Variants in MYO16 observed in about 807,000 individuals in gnomAD.
MYO16 encodes myosin XVI.
Under a neutral mutation model 205.3 loss-of-function variants are expected in MYO16, and 94 were observed. The ratio of observed to expected loss-of-function variants is 0.46; its 90% CI spans 0.39 to 0.54. MYO16 has a LOEUF of 0.54. Among genes scored for constraint, MYO16 ranks in the 20% least tolerant of loss-of-function variants. MYO16 has a pLI of 0.00. For synonymous variants in MYO16, 988 were observed against 954.0 expected (o/e 1.04, Z -0.66); for missense variants, 2,315 against 2,387.5 (o/e 0.97, Z 0.63).
At chr13:108,785,428 G>A (rs1232556003) in intron 4 of MYO16, among the ~76,000 whole-genome samples, 1 of 152,152 alleles carries the variant, frequency 6.6e-6, no homozygotes, top group African/African-American at 2.4e-5. Context: ...AGAGTCAGTG[G>A]AAGGTTTTCA....
chr13:109,115,389 G>A (rs760132061), intron 28 of MYO16, among the ~76,000 whole-genome samples: 1 of 151,556 alleles, frequency 6.6e-6, no homozygotes, highest in Admixed American at 6.6e-5. Context: ...AATAAAAATA[G>A]CGATGACTGT....
intron 4 of MYO16, among the ~76,000 whole-genome samples, chr13:108,745,445 C>T (rs561619376): frequency 6.6e-6 from 1 of 152,184 alleles, no homozygotes; most frequent in South Asian, 2.1e-4. Context: ...ATCCATAAAA[C>T]AGATGTTTTG....
At chr13:109,196,673 C>T (rs1399235245) in intron 34 of MYO16, among the ~76,000 whole-genome samples, 5 of 152,076 alleles carry the variant, frequency 3.3e-5, no homozygotes, top group Admixed American at 1.3e-4. Context: ...CTGGCCCCAC[C>T]CTAAGGGCTC....
rs1883766404 is a variant in MYO16, at chr13:108,712,643, CCT to C, written c.293-13_293-12del. On this transcript the variant is annotated splice_polypyrimidine_tract_variant and intron_variant, in intron 2 of 34. Transcript: ENST00000457511. ...GAAGGACTCTCTGTAACTCCATTCT[CCT>C]CTCTGTTGTTTTCAGTGCTTCGGCT... 6 of 1,611,438 alleles carry C rather than the reference CCT, an allele frequency of 3.7e-6. No individual in the cohort carries two copies. The highest frequency in any genetic ancestry group is 5.1e-6 in the Non-Finnish European group (6 of 1,177,502).
intron 10 of MYO16, among the ~76,000 whole-genome samples, chr13:108,848,755 C>T (rs7982140): frequency 0.41 from 62,726 of 152,082 alleles, 13,452 homozygotes; most frequent in Non-Finnish European, 0.47. Context: ...TTGGAGGCTG[C>T]GGTGAGCTAG....
intron 20 of MYO16, among the ~76,000 whole-genome samples, chr13:108,981,332 G>T (rs565786993): frequency 9.9e-5 from 15 of 152,200 alleles, no homozygotes; most frequent in Non-Finnish European, 1.8e-4. Flanking sequence ...CCATCATCAA[G>T]AGAAGTGTCA....
At chr13:108,577,818 A>T in the MYO16 span, among the ~76,000 whole-genome samples, 16 of 152,334 alleles carry the variant, frequency 1.1e-4, no homozygotes, top group Middle Eastern at 3.4e-3. Flanking sequence ...CAAGAAAACT[A>T]TGTATCCATA....
the MYO16 span, among the ~76,000 whole-genome samples, chr13:108,534,599 G>A: frequency 6.6e-6 from 1 of 151,452 alleles, no homozygotes; most frequent in Non-Finnish European, 1.5e-5. Flanking sequence ...GAAACACGGA[G>A]TCTCTACTCA....
At chr13:108,537,007 G>C in the MYO16 span, among the ~76,000 whole-genome samples, 3 of 152,120 alleles carry the variant, frequency 2.0e-5, no homozygotes, top group Non-Finnish European at 4.4e-5. Flanking sequence ...GTGCACATGT[G>C]CAGTTTTCTT....
chr13:109,139,277 C>T (rs925398805), intron 31 of MYO16, among the ~76,000 whole-genome samples: 5 of 152,204 alleles, frequency 3.3e-5, no homozygotes, highest in East Asian at 1.9e-4. Flanking sequence ...TAAATAATCA[C>T]GCTTACCCAT....
intron 32 of MYO16, among the ~76,000 whole-genome samples, chr13:109,146,613 C>T (rs1877342804): frequency 6.6e-6 from 1 of 151,942 alleles, no homozygotes; most frequent in Admixed American, 6.6e-5. Context: ...CTAACCAGGC[C>T]TTGTCTCTAC....
intron 1 of MYO16, among the ~76,000 whole-genome samples, chr13:108,635,253 C>T (rs1173529466): frequency 6.6e-6 from 1 of 152,168 alleles, no homozygotes; most frequent in African/African-American, 2.4e-5. Context: ...TCAGCCAACC[C>T]GGAAACGTGC....
At chr13:108,558,049 T>C in the MYO16 span, among the ~76,000 whole-genome samples, 1 of 152,234 alleles carries the variant, frequency 6.6e-6, no homozygotes, top group Admixed American at 6.5e-5. Context: ...AATTTTATTT[T>C]CAATTTTCTT....
intron 1 of MYO16, among the ~76,000 whole-genome samples, chr13:108,616,375 T>C (rs1291680391): frequency 6.6e-6 from 1 of 152,110 alleles, no homozygotes; most frequent in Admixed American, 6.5e-5. Context: ...ATCCCCGGTT[T>C]TCCTGGGGAT....
the MYO16 span, among the ~76,000 whole-genome samples, chr13:108,563,183 A>G: frequency 1.3e-5 from 2 of 152,152 alleles, no homozygotes; most frequent in African/African-American, 2.4e-5. Flanking sequence ...CAATATAAGT[A>G]TTTTAAAAAT....
At chr13:108,554,943 A>G in the MYO16 span, among the ~76,000 whole-genome samples, 1 of 151,688 alleles carries the variant, frequency 6.6e-6, no homozygotes, top group Non-Finnish European at 1.5e-5. Context: ...AGATCTGGAT[A>G]TAATCTAACC....
intron 29 of MYO16, among the ~76,000 whole-genome samples, chr13:109,120,870 T>C (rs951593067): frequency 6.6e-6 from 1 of 152,014 alleles, no homozygotes; most frequent in South Asian, 2.1e-4. Flanking sequence ...GGCAACATAG[T>C]GAGATCCCCA....
chr13:108,776,478 G>T (rs554532998), intron 4 of MYO16, among the ~76,000 whole-genome samples: 9 of 152,288 alleles, frequency 5.9e-5, no homozygotes, highest in Middle Eastern at 3.4e-3. Context: ...GGCGGCTCAA[G>T]CTTTGCCATA....
chr13:108,658,723 A>T (rs1881354292), intron 1 of MYO16, among the ~76,000 whole-genome samples: 1 of 152,062 alleles, frequency 6.6e-6, no homozygotes, highest in Admixed American at 6.6e-5. Flanking sequence ...TTTAGTTGAT[A>T]TTCCATTTTC....
Sources: gnomAD v4.1 joint callset for allele counts (sites outside exome capture counted in the v4.1 genomes callset) on GRCh38, gnomAD v4.1.1 for gene constraint, MANE v1.5 for transcripts, NCBI Gene and HGNC (gene_info 2026-07-23, HGNC 2026-07-21) for gene names.